Variants in RSF1 observed in about 807,000 individuals in gnomAD.
RSF1 encodes the protein remodeling and spacing factor 1.
In RSF1, 13 loss-of-function variants were observed where a neutral mutation model predicts 145.2. The ratio of observed to expected loss-of-function variants is 0.09; its 90% CI spans 0.06 to 0.14. RSF1 has a LOEUF of 0.14. RSF1 is among the 10% of genes least tolerant of loss of function. The probability of loss-of-function intolerance (pLI) is 1.00; values close to 1 mark genes in which losing one functional copy is unlikely to be tolerated. For missense variants in RSF1, 1,517 were observed against 1,718.2 expected (o/e 0.88, Z 2.07); for synonymous variants, 577 against 592.6 (o/e 0.97, Z 0.38).
At chr11:77,761,123 T>G (rs536616471) in intron 2 of RSF1, among the ~76,000 whole-genome samples, 1 of 152,152 alleles carries the variant, frequency 6.6e-6, no homozygotes, top group East Asian at 1.9e-4. Flanking sequence ...GTATTTTCAG[T>G]AGGGACGGGG....
At chr11:77,756,148 G>A (rs1244749203) in intron 2 of RSF1, among the ~76,000 whole-genome samples, 1 of 151,922 alleles carries the variant, frequency 6.6e-6, no homozygotes, top group African/African-American at 2.4e-5. Flanking sequence ...ACCTGAGGTT[G>A]GGAGTTTGAG....
intron 1 of RSF1, among the ~76,000 whole-genome samples, chr11:77,808,252 T>C (rs923300304): frequency 3.9e-5 from 6 of 151,952 alleles, no homozygotes; most frequent in Non-Finnish European, 8.8e-5. Flanking sequence ...GAGAATCACT[T>C]GAACCCAAGG....
At chr11:77,769,216 C>T (rs1049833042) in intron 1 of RSF1, among the ~76,000 whole-genome samples, 15 of 152,152 alleles carry the variant, frequency 9.9e-5, no homozygotes, top group African/African-American at 3.6e-4. Context: ...TGCCACCACA[C>T]CTCGGCCTCC....
intron 5 of RSF1, among the ~76,000 whole-genome samples, chr11:77,704,042 C>CT (rs1960485175): frequency 6.6e-6 from 1 of 152,168 alleles, no homozygotes; most frequent in South Asian, 2.1e-4. Context: ...GCCTTTAATC[C>CT]CAGCACTTTG....
the RSF1 span, among the ~76,000 whole-genome samples, chr11:77,868,290 C>G: frequency 6.6e-6 from 1 of 151,132 alleles, no homozygotes; most frequent in Non-Finnish European, 1.5e-5. Flanking sequence ...CTCCTGACCT[C>G]GTGATCCACC....
chr11:77,755,458 T>C (rs779150058), intron 2 of RSF1, among the ~76,000 whole-genome samples: 1 of 152,214 alleles, frequency 6.6e-6, no homozygotes, highest in Non-Finnish European at 1.5e-5. Context: ...AATGAGAGAT[T>C]TGTTTGTACA....
chr11:77,838,280 C>T, the RSF1 span, among the ~76,000 whole-genome samples: 1 of 152,116 alleles, frequency 6.6e-6, no homozygotes, highest in African/African-American at 2.4e-5. Flanking sequence ...TAATCAAATA[C>T]TAATCTAAGT....
intron 5 of RSF1, among the ~76,000 whole-genome samples, chr11:77,714,571 G>A (rs957641076): frequency 6.6e-6 from 1 of 152,148 alleles, no homozygotes; most frequent in African/African-American, 2.4e-5. Flanking sequence ...GAGGCCAGGC[G>A]TGGTGACTCA....
the RSF1 span, chr11:77,851,063 A>G: frequency 6.8e-6 from 1 of 146,834 alleles, no homozygotes; most frequent in East Asian, 2.0e-4. Context: ...TCAAGCAATT[A>G]TCTGCCTCAT....
At chr11:77,743,546 C>T (rs780120082) in intron 3 of RSF1, among the ~76,000 whole-genome samples, 6 of 152,098 alleles carry the variant, frequency 3.9e-5, no homozygotes, top group Non-Finnish European at 5.9e-5. Context: ...AGAAACACTT[C>T]TAATTTTTGT....
the RSF1 span, among the ~76,000 whole-genome samples, chr11:77,826,190 C>G: frequency 6.6e-6 from 1 of 151,880 alleles, no homozygotes; most frequent in Non-Finnish European, 1.5e-5. Flanking sequence ...GGTGAAACTT[C>G]GTCTCTACTA....
chr11:77,782,916 A>G (rs1394773429), intron 1 of RSF1, among the ~76,000 whole-genome samples: 2 of 152,242 alleles, frequency 1.3e-5, no homozygotes, highest in Non-Finnish European at 2.9e-5. Flanking sequence ...GTTTAATGCA[A>G]TAACTGATAT....
In RSF1 at chr11:77,772,154, G is replaced by A. The variant is rs185589656; in HGVS notation, c.188-7465C>T. The stretch of plus-strand genomic sequence containing the variant: ...CATTTAATACTCAAGTCAAATAAAT[G>A]TATTTGTACATTTTGTTTCTGACAC... On this transcript the variant is annotated intron_variant, in intron 1 of 15. Transcript: ENST00000308488. Among the ~76,000 whole-genome samples, 12 of 151,830 alleles carry A rather than the reference G, an allele frequency of 7.9e-5. No homozygotes were observed. The East Asian group carries it at 1.9e-3, about 25-fold the overall frequency.
chr11:77,861,956 T>C, the RSF1 span, among the ~76,000 whole-genome samples: 1 of 152,222 alleles, frequency 6.6e-6, no homozygotes, highest in South Asian at 2.1e-4. Flanking sequence ...CGGCCTTCAG[T>C]ACAGTCAGGT....
chr11:77,699,060 G>A (rs1960350600), intron 6 of RSF1, among the ~76,000 whole-genome samples: 1 of 152,052 alleles, frequency 6.6e-6, no homozygotes, highest in Admixed American at 6.5e-5. Context: ...ACAATGTACT[G>A]TATCTTTACA....
intron 4 of RSF1, among the ~76,000 whole-genome samples, chr11:77,739,985 CAAT>C (rs1961468501): frequency 6.6e-6 from 1 of 152,078 alleles, no homozygotes; most frequent in African/African-American, 2.4e-5. Context: ...CTCAGAACTC[CAAT>C]AAAGAAATGT....
rs779258393 is a variant in RSF1 at position 77,676,916 on chromosome 11, C to G, written c.3217G>C (p.Glu1073Gln). 8.8e-7 allele frequency: 1 copy of G among 1,135,190 alleles called. No homozygotes were observed. The highest frequency in any genetic ancestry group is 1.3e-6 in the Non-Finnish European group (1 of 795,552). 70.3% of individuals were successfully genotyped at this position (1,135,190 alleles called of 1,614,324 possible). A position where few individuals can be genotyped will look rare whatever the true frequency, so the allele number is the denominator to read the frequency against. The part of the protein sequence containing the change: ...ISTILDEERK[E>Q]NKRPQRAAAA... Reference sequence around the variant, plus strand: ...GCTGCCCTCTGGGGTCGTTTATTTTCTTTTCTTTCTTCATCCAAAATAGTA... The same window carrying G: ...GCTGCCCTCTGGGGTCGTTTATTTTGTTTTCTTTCTTCATCCAAAATAGTA... Residue 1073 changes from glutamate to glutamine, a missense_variant, in exon 13 of 16, where the codon GAA (glutamate) becomes CAA (glutamine). This residue lies in a region of RSF1 where 231 missense variants were observed against 276.6 expected (regional missense o/e 0.84). Coordinates refer to ENST00000308488, the MANE Select transcript of RSF1 (RefSeq NM_016578.4).
intron 1 of RSF1, among the ~76,000 whole-genome samples, chr11:77,775,972 T>C (rs1948338000): frequency 6.6e-6 from 1 of 152,186 alleles, no homozygotes; most frequent in Non-Finnish European, 1.5e-5. Flanking sequence ...CCAGGTTTCC[T>C]TACTATTGCC....
chr11:77,740,723 A>C lies in RSF1; in HGVS notation c.578+8T>G. 6.2e-7 allele frequency: 1 copy of C among 1,610,280 alleles called. No homozygotes were observed. Among genetic ancestry groups the C allele is most frequent in the African/African-American group, 1.3e-5 (1 of 74,966 alleles). On this transcript the variant is annotated splice_region_variant and intron_variant, in intron 4 of 15. Transcript: ENST00000308488. Reference sequence around the variant, plus strand: ...AAATAAGTGTAAAAAGGTTCCAATAAAAGATACCTGACAATGCATTTCCAT... The same window carrying C: ...AAATAAGTGTAAAAAGGTTCCAATACAAGATACCTGACAATGCATTTCCAT...
Sources: allele counts gnomAD v4.1 joint callset (sites outside exome capture counted in the v4.1 genomes callset), GRCh38; gene constraint gnomAD v4.1.1; regional missense constraint gnomAD v4.1.1; transcripts MANE v1.5; gene names NCBI Gene and HGNC (gene_info 2026-07-23, HGNC 2026-07-21).